Variants in GNAI1 observed in about 807,000 individuals in gnomAD.
GNAI1 encodes G protein subunit alpha i1.
Under a neutral mutation model 38.9 loss-of-function variants are expected in GNAI1, and 11 were observed. The ratio of observed to expected loss-of-function variants is 0.28; its 90% CI spans 0.18 to 0.47. The LOEUF is 0.47. GNAI1 is among the 20% of genes least tolerant of loss of function. The probability of loss-of-function intolerance (pLI) is 0.99; values close to 1 mark genes in which losing one functional copy is unlikely to be tolerated. For missense variants in GNAI1, 317 were observed against 436.9 expected, an observed-to-expected ratio of 0.73 and a Z score of 2.45; for synonymous variants, 166 against 145.1, an observed-to-expected ratio of 1.14 and a Z score of -1.04.
Position 80,186,492 on chromosome 7 carries a change from G to GT in GNAI1, c.119-2450dup, listed in dbSNP as rs200401132. Among the ~76,000 whole-genome samples, 293 of 150,400 alleles carry GT rather than the reference G, an allele frequency of 1.9e-3. 1 individual carries two copies. The highest frequency in any genetic ancestry group is 3.4e-3 in the Middle Eastern group (1 of 294). On this transcript the variant is annotated intron_variant, in intron 1 of 7. Coordinates refer to ENST00000649796, the MANE Select transcript of GNAI1 (RefSeq NM_002069.6). The stretch of plus-strand genomic sequence containing the variant: ...ATAATATCTAATAGCAGGAAAATTT[G>GT]TTTTTTTTTCTTAAGGTTTAAACAT...
At chr7:80,180,765 T>G (rs1406019662) in intron 1 of GNAI1, among the ~76,000 whole-genome samples, 1 of 152,120 alleles carries the variant, frequency 6.6e-6, no homozygotes, top group Non-Finnish European at 1.5e-5. Flanking sequence ...GTCAGTCCAG[T>G]TGAGCTTGTG....
chr7:80,220,587 C>A lies in GNAI1; in HGVS notation c.*3094C>A, dbSNP rs61487087. ...AAAGTCCCTAAGGCGCTTGTGGTTT[C>A]TAAAATTCTCTTCATTTCAGTAACC... On this transcript the variant is annotated 3_prime_UTR_variant, in exon 8 of 8. Coordinates refer to ENST00000649796, the MANE Select transcript of GNAI1 (RefSeq NM_002069.6). Among the ~76,000 whole-genome samples, 1 of 152,200 alleles carries A rather than the reference C, an allele frequency of 6.6e-6. No individual in the cohort carries two copies. The highest frequency in any genetic ancestry group is 6.5e-5 in the Admixed American group (1 of 15,284).
chr7:80,191,022 A>T (rs1339041728), intron 3 of GNAI1, among the ~76,000 whole-genome samples: 1 of 151,208 alleles, frequency 6.6e-6, no homozygotes, highest in African/African-American at 2.4e-5. Context: ...TCTTTGTTTC[A>T]CTATTGCTGG....
intron 1 of GNAI1, among the ~76,000 whole-genome samples, chr7:80,177,617 G>A (rs1788210672): frequency 6.6e-6 from 1 of 152,162 alleles, no homozygotes; most frequent in Non-Finnish European, 1.5e-5. Flanking sequence ...ATGTAGCTAG[G>A]ACTACAAAAT....
Position 80,134,873 on chromosome 7 carries a change from G to C in GNAI1, c.-288G>C. The C allele has an allele frequency of 3.9e-6, 1 of 253,922 alleles. No individual in the cohort carries two copies. Among genetic ancestry groups the C allele is most frequent in the Non-Finnish European group, 7.4e-6 (1 of 134,282 alleles). 15.7% of individuals were successfully genotyped at this position (253,922 alleles called of 1,614,324 possible). On this transcript the variant is annotated 5_prime_UTR_variant, in exon 1 of 8. Transcript: ENST00000649796. ...GCGAGGCTGCGGCGCGGCCACCGGC[G>C]GGAGTGCAGCGGCCACTGTACCCAG...
intron 1 of GNAI1, among the ~76,000 whole-genome samples, chr7:80,182,781 A>G (rs1788317442): frequency 1.3e-5 from 2 of 152,194 alleles, no homozygotes; most frequent in South Asian, 2.1e-4. Context: ...AGCCTATTCA[A>G]CCCATTACAT....
intron 1 of GNAI1, among the ~76,000 whole-genome samples, chr7:80,142,235 A>G (rs998251): frequency 0.91 from 137,818 of 152,168 alleles, 63,174 homozygotes; most frequent in Non-Finnish European, 0.97. Flanking sequence ...TATCTTCATC[A>G]GTATCTTATA....
At chr7:80,178,834 A>T (rs963754215) in intron 1 of GNAI1, among the ~76,000 whole-genome samples, 1 of 152,172 alleles carries the variant, frequency 6.6e-6, no homozygotes. Context: ...ACTTCATAGA[A>T]ATCGTTTCAG....
At chr7:80,210,131 T>C (rs994237743) in intron 5 of GNAI1, among the ~76,000 whole-genome samples, 7 of 152,200 alleles carry the variant, frequency 4.6e-5, no homozygotes, top group Middle Eastern at 3.2e-3. Context: ...GTTTTCATTA[T>C]ATAAGTGGTT....
chr7:80,170,001 A>G (rs564111383), intron 1 of GNAI1, among the ~76,000 whole-genome samples: 1 of 152,318 alleles, frequency 6.6e-6, no homozygotes, highest in Admixed American at 6.5e-5. Flanking sequence ...ATGTATCAGT[A>G]CTTTGTTCTT....
In GNAI1 at chr7:80,212,773, A is replaced by G; in HGVS notation, c.778A>G (p.Thr260Ala). 1 of 1,571,636 alleles carries G rather than the reference A, an allele frequency of 6.4e-7. No homozygotes were observed. The highest frequency in any genetic ancestry group is 8.6e-7 in the Non-Finnish European group (1 of 1,160,324). Residue 260 changes from threonine to alanine, a missense_variant, in exon 7 of 8, where the codon ACA becomes GCA. Coordinates refer to ENST00000649796, the MANE Select transcript of GNAI1 (RefSeq NM_002069.6). Reference sequence around the variant, plus strand: ...CAGCATATGTAACAACAAGTGGTTTACAGATACATCCATTATACTTTTTCT... The same window carrying G: ...CAGCATATGTAACAACAAGTGGTTTGCAGATACATCCATTATACTTTTTCT... ...FDSICNNKWF[T>A]DTSIILFLNK...
At chr7:80,203,211 T>C (rs1437360975) in intron 4 of GNAI1, among the ~76,000 whole-genome samples, 2 of 152,194 alleles carry the variant, frequency 1.3e-5, no homozygotes, top group Non-Finnish European at 2.9e-5. Context: ...TTCCTGTATG[T>C]AACATAAGAC....
intron 3 of GNAI1, among the ~76,000 whole-genome samples, chr7:80,198,756 C>A (rs1041001687): frequency 6.6e-6 from 1 of 152,184 alleles, no homozygotes; most frequent in African/African-American, 2.4e-5. Context: ...TCTGAACTTA[C>A]TTTGCAACTA....
intron 1 of GNAI1, among the ~76,000 whole-genome samples, chr7:80,144,139 A>T (rs760933884): frequency 6.6e-6 from 1 of 152,176 alleles, no homozygotes; most frequent in Non-Finnish European, 1.5e-5. Flanking sequence ...TGCACTTTAC[A>T]TAATCAGAAG....
intron 1 of GNAI1, among the ~76,000 whole-genome samples, chr7:80,169,307 A>G (rs997003905): frequency 1.3e-5 from 2 of 152,228 alleles, no homozygotes; most frequent in African/African-American, 4.8e-5. Flanking sequence ...TTGGAGACTT[A>G]TAGGCTAAAA....
chr7:80,226,098 GA>G lies in GNAI1; in HGVS notation c.*8614del, dbSNP rs894073541. 6.7e-6 allele frequency among the ~76,000 whole-genome samples: 1 copy of G among 149,394 alleles called. No individual in the cohort carries two copies. Among genetic ancestry groups the G allele is most frequent in the East Asian group, 2.0e-4 (1 of 5,124 alleles). ...TTTAAGTCCCTCTAACAATTATGAA[GA>G]AAAAAAAAGACTAGATTTTATATCA... is the stretch of plus-strand genomic sequence containing the variant. On this transcript the variant is annotated 3_prime_UTR_variant, in exon 8 of 8. Coordinates refer to ENST00000649796, the MANE Select transcript of GNAI1 (RefSeq NM_002069.6).
At chr7:80,187,865 G>T (rs1040932616) in intron 1 of GNAI1, among the ~76,000 whole-genome samples, 4 of 152,136 alleles carry the variant, frequency 2.6e-5, no homozygotes, top group African/African-American at 9.7e-5. Context: ...ATCTAATTTG[G>T]TATAAAGATA....
At chr7:80,205,476 G>A (rs1788757452) in intron 5 of GNAI1, among the ~76,000 whole-genome samples, 1 of 152,068 alleles carries the variant, frequency 6.6e-6, no homozygotes, top group Non-Finnish European at 1.5e-5. Context: ...AATTGGATTA[G>A]AAAAGGTGTT....
intron 1 of GNAI1, among the ~76,000 whole-genome samples, chr7:80,148,370 A>C (rs1472803866): frequency 6.6e-6 from 1 of 152,148 alleles, no homozygotes; most frequent in Non-Finnish European, 1.5e-5. Flanking sequence ...AGAAAGAGCA[A>C]TTCTGAAAAA....
Sources: gnomAD v4.1 joint callset for allele counts (sites outside exome capture counted in the v4.1 genomes callset) on GRCh38, gnomAD v4.1.1 for gene constraint, MANE v1.5 for transcripts, NCBI Gene and HGNC (gene_info 2026-07-23, HGNC 2026-07-21) for gene names.